MED27: variants seen among roughly 807,000 people sequenced by gnomAD.
MED27 encodes the protein mediator of RNA polymerase II transcription subunit 27.
MED27 carries 30 observed loss-of-function variants against 38.2 expected under a neutral mutation model. The ratio of observed to expected loss-of-function variants is 0.79; its 90% CI spans 0.59 to 1.07. The LOEUF (loss-of-function observed/expected upper bound fraction) is 1.07. Ranked by LOEUF, MED27 falls within the 50% of genes least tolerant of loss-of-function variation. The pLI is 0.00. For missense variants in MED27, 289 were observed against 397.5 expected, an observed-to-expected ratio of 0.73 and a Z score of 2.32; for synonymous variants, 122 against 153.5, an observed-to-expected ratio of 0.79 and a Z score of 1.52.
At chr9:131,986,999 ATTTTTTT>A (rs66519112) in intron 3 of MED27, among the ~76,000 whole-genome samples, 22 of 46,254 alleles carry the variant, frequency 4.8e-4, no homozygotes, top group African/African-American at 1.6e-3. Flanking sequence ...GAGTTCATGG[ATTTTTTT>A]TTTTTTTTTT....
intron 6 of MED27, among the ~76,000 whole-genome samples, chr9:131,866,615 G>A (rs1302652594): frequency 2.0e-5 from 3 of 152,210 alleles, no homozygotes; most frequent in East Asian, 1.9e-4. Context: ...TAGCAGTGAC[G>A]CCTTGGGCGA....
At chr9:131,882,614 T>C (rs1839067574) in intron 6 of MED27, among the ~76,000 whole-genome samples, 1 of 152,102 alleles carries the variant, frequency 6.6e-6, no homozygotes. Context: ...AAGGATAAAA[T>C]CCGAATTCTG....
intron 5 of MED27, among the ~76,000 whole-genome samples, chr9:131,891,063 C>T (rs1046838846): frequency 3.3e-5 from 5 of 152,170 alleles, no homozygotes; most frequent in Non-Finnish European, 5.9e-5. Context: ...AAACCCAGGT[C>T]GGCCATCTCT....
At chr9:131,876,153 G>A (rs527714968) in intron 6 of MED27, among the ~76,000 whole-genome samples, 41 of 152,332 alleles carry the variant, frequency 2.7e-4, no homozygotes, top group East Asian at 1.4e-3. Flanking sequence ...GGCTGAGGAC[G>A]GAGACCTGGG....
intron 4 of MED27, among the ~76,000 whole-genome samples, chr9:131,920,398 C>G (rs1450063495): frequency 6.6e-6 from 1 of 152,210 alleles, no homozygotes; most frequent in African/African-American, 2.4e-5. Flanking sequence ...ATTTTCATCT[C>G]TTTACACATA....
Position 131,913,445 on chromosome 9 carries a change from C to T in MED27, c.574-19453G>A, listed in dbSNP as rs1830227090. 6.6e-6 allele frequency among the ~76,000 whole-genome samples: 1 copy of T among 152,170 alleles called. No individual in the cohort carries two copies. The highest frequency in any genetic ancestry group is 2.4e-5 in the African/African-American group (1 of 41,442). The stretch of plus-strand genomic sequence containing the variant: ...TGAGTGTGAACATCAAATAAATAAT[C>T]ATAAGCATATAGTAAGGGGTCAAAT... On this transcript the variant is annotated intron_variant, in intron 4 of 7. Transcript: ENST00000292035. The surrounding 1 kb of genome is among the most constrained non-coding windows in gnomAD (Gnocchi z 4.5).
chr9:132,068,677 C>T (rs1437895332), intron 2 of MED27, among the ~76,000 whole-genome samples: 1 of 152,106 alleles, frequency 6.6e-6, no homozygotes, highest in African/African-American at 2.4e-5. Flanking sequence ...CTGGCTAAGG[C>T]ATCCCACCAC....
intron 2 of MED27, among the ~76,000 whole-genome samples, chr9:132,075,169 G>A (rs905722894): frequency 3.9e-5 from 6 of 152,180 alleles, no homozygotes; most frequent in Admixed American, 2.0e-4. Flanking sequence ...TTCTACAGTT[G>A]AAAACCTTAA....
chr9:132,079,799 G>A lies in MED27; in HGVS notation c.46C>T (p.Gln16Ter), dbSNP rs773833693. 1.9e-6 allele frequency: 3 copies of A among 1,613,382 alleles called. No individual in the cohort carries two copies. The highest frequency in any genetic ancestry group is 1.3e-5 in the African/African-American group (1 of 75,048). ...NVSVNLEAFS[Q>*]AISAIQALRS... is the part of the protein sequence containing the mutation. ...AGCGCCTGGATGGCACTAATGGCCT[G>A]GGAAAAGGCCTCCAGGTTCACACTG... The change falls in exon 1 of 8, where the codon CAG becomes TAG. Residue 16 changes from glutamine to a stop codon, truncating the protein, a stop_gained. Coordinates refer to ENST00000292035, the MANE Select transcript of MED27 (RefSeq NM_004269.4). LOFTEE classifies it high-confidence loss of function.
chr9:132,075,881 A>C (rs1178941218), intron 2 of MED27, among the ~76,000 whole-genome samples: 1 of 152,178 alleles, frequency 6.6e-6, no homozygotes, highest in Non-Finnish European at 1.5e-5. Flanking sequence ...ACTGCCCTGC[A>C]TCCATCCCTT....
intron 4 of MED27, among the ~76,000 whole-genome samples, chr9:131,928,573 C>T (rs1811697531): frequency 6.6e-6 from 1 of 152,182 alleles, no homozygotes; most frequent in Non-Finnish European, 1.5e-5. Context: ...AGCACAGCGA[C>T]TGGGGGACTT....
intron 4 of MED27, among the ~76,000 whole-genome samples, chr9:131,934,602 C>CCT: frequency 6.6e-6 from 1 of 152,186 alleles, no homozygotes; most frequent in South Asian, 2.1e-4. Context: ...CCCTTGTACA[C>CCT]TGTTGGTGGA....
At chr9:131,936,806 A>G (rs1012924909) in intron 4 of MED27, among the ~76,000 whole-genome samples, 2 of 152,166 alleles carry the variant, frequency 1.3e-5, no homozygotes, top group Non-Finnish European at 2.9e-5. Context: ...GTTTCTGTTG[A>G]CTGCATTCAA....
At chr9:131,906,368 G>A (rs966230291) in intron 4 of MED27, among the ~76,000 whole-genome samples, 5 of 152,252 alleles carry the variant, frequency 3.3e-5, no homozygotes, top group Non-Finnish European at 7.3e-5. Context: ...GTAAGACAAG[G>A]TCATCCATGC....
At chr9:131,979,831 A>ATGGCTGGCTGGC (rs71374157) in intron 3 of MED27, among the ~76,000 whole-genome samples, 73,140 of 150,264 alleles carry the variant, frequency 0.49, 19,351 homozygotes, top group Middle Eastern at 0.61. Context: ...TGAAAACAAG[A>ATGGCTGGCTGGC]TGGCTGGCTG....
At chr9:132,066,034 G>C (rs1833802318) in intron 2 of MED27, among the ~76,000 whole-genome samples, 1 of 152,232 alleles carries the variant, frequency 6.6e-6, no homozygotes, top group Non-Finnish European at 1.5e-5. Context: ...TCCCTGGAGT[G>C]TGCTTGGAAA....
Position 131,860,296 on chromosome 9 carries a change from T to C in MED27, c.*242A>G. 1 of 433,848 alleles carries C rather than the reference T, an allele frequency of 2.3e-6. No homozygotes were observed. Among genetic ancestry groups the C allele is most frequent in the Non-Finnish European group, 4.0e-6 (1 of 249,180 alleles). The allele number at this position is 433,848 out of a possible 1,614,324, so 26.9% of individuals were successfully genotyped here. ...AGGAGCATGCTGCACAGCTTCCTTCTACCAGGTTCTAGAAAGGTCTTCTTT... is the reference window on the plus strand; with the variant it reads ...AGGAGCATGCTGCACAGCTTCCTTCCACCAGGTTCTAGAAAGGTCTTCTTT... On this transcript the variant is annotated 3_prime_UTR_variant, in exon 8 of 8. Coordinates refer to ENST00000292035, the MANE Select transcript of MED27 (RefSeq NM_004269.4). This position sits in a 1 kb window ranked among gnomAD's most constrained non-coding sequence, Gnocchi z 5.8.
chr9:131,877,421 C>A (rs1006218014), intron 6 of MED27, among the ~76,000 whole-genome samples: 4 of 152,086 alleles, frequency 2.6e-5, no homozygotes, highest in African/African-American at 9.6e-5. Context: ...CACACACACA[C>A]ACAAATTAGC....
At chr9:131,938,369 CT>C (rs1239946187) in intron 4 of MED27, among the ~76,000 whole-genome samples, 1 of 152,200 alleles carries the variant, frequency 6.6e-6, no homozygotes, top group Non-Finnish European at 1.5e-5. Context: ...ATAAACTCTG[CT>C]TTTTATAAAA....
Sources: gnomAD v4.1 joint callset for allele counts (sites outside exome capture counted in the v4.1 genomes callset) on GRCh38, gnomAD v4.1.1 for gene constraint, Gnocchi (gnomAD v3.1) non-coding constraint, MANE v1.5 for transcripts, NCBI Gene and HGNC (gene_info 2026-07-23, HGNC 2026-07-21) for gene names.